The following SOCS4 variants were observed in gnomAD, a reference collection of about 807,000 sequenced individuals.
The protein encoded by SOCS4 is suppressor of cytokine signaling 4.
Under a neutral mutation model 34.1 loss-of-function variants are expected in SOCS4, and 20 were observed. That is an observed-to-expected ratio of 0.59 (90% CI 0.41 to 0.85). The LOEUF (loss-of-function observed/expected upper bound fraction) is 0.85. SOCS4 is among the 40% of genes least tolerant of loss of function. The probability of loss-of-function intolerance (pLI) is 0.00; values close to 1 mark genes in which losing one functional copy is unlikely to be tolerated. For synonymous variants in SOCS4, 180 were observed against 186.4 expected, an observed-to-expected ratio of 0.97 and a Z score of 0.28; for missense variants, 479 against 532.4, an observed-to-expected ratio of 0.90 and a Z score of 0.99.
chr14:55,046,928 T>C lies in SOCS4; in HGVS notation c.*2564T>C, dbSNP rs551176640. The C allele has an allele frequency of 2.5e-4, 42 of 167,010 alleles. No homozygotes were observed. The highest frequency in any genetic ancestry group is 1.0e-3 in the South Asian group (5 of 4,824). The allele number at this position is 167,010 out of a possible 1,614,324, so 10.3% of individuals were successfully genotyped here. On this transcript the variant is annotated 3_prime_UTR_variant, in exon 3 of 3. Transcript: ENST00000555846. ...ATACATTTGGAAGAACATACAGTAT[T>C]CAGAAACTAACCTATATAAAATGTA...
intron 2 of SOCS4, among the ~76,000 whole-genome samples, chr14:55,042,502 A>T (rs752984293): frequency 6.6e-6 from 1 of 152,228 alleles, no homozygotes; most frequent in Non-Finnish European, 1.5e-5. Context: ...AGGGAGAAGA[A>T]GGTGAAGGAA....
chr14:55,035,756 T>C (rs2140244675), intron 2 of SOCS4, among the ~76,000 whole-genome samples: 1 of 152,304 alleles, frequency 6.6e-6, no homozygotes, highest in East Asian at 1.9e-4. Flanking sequence ...ATAGCATTAG[T>C]ACCTCCATTT....
intron 2 of SOCS4, among the ~76,000 whole-genome samples, chr14:55,041,149 TGCTGAGATTACAG>T (rs1566755656): frequency 6.6e-6 from 1 of 152,162 alleles, no homozygotes; most frequent in Non-Finnish European, 1.5e-5. Context: ...CCTCCCAAAG[TGCTGAGATTACAG>T]GCATGAGCCA....
At chr14:55,029,266 GT>G (rs1276290590) in intron 1 of SOCS4, among the ~76,000 whole-genome samples, 2 of 152,108 alleles carry the variant, frequency 1.3e-5, no homozygotes, top group Non-Finnish European at 2.9e-5. Context: ...AAATAACATA[GT>G]TTTTTAAAAA....
rs946705410 is a variant in SOCS4 at position 55,031,795 on chromosome 14, G to GT, written c.-219-62dup. The GT allele has an allele frequency of 1.1e-4, 17 of 152,284 alleles. No homozygotes were observed. In the East Asian group the frequency reaches 3.1e-3, roughly 28 times the overall value. The allele number at this position is 152,284 out of a possible 1,614,324, so 9.4% of individuals were successfully genotyped here. A position where few individuals can be genotyped will look rare whatever the true frequency, so the allele number is the denominator to read the frequency against. On this transcript the variant is annotated intron_variant, in intron 1 of 2. Coordinates refer to ENST00000555846, the MANE Select transcript of SOCS4 (RefSeq NM_199421.2). Reference sequence around the variant, plus strand: ...TTGCTTCTGTAATGAGAAAACATTTGTTTTTTAGGTCAGATATTTTCCCAT... The same window carrying GT: ...TTGCTTCTGTAATGAGAAAACATTTGTTTTTTTAGGTCAGATATTTTCCCAT...
intron 2 of SOCS4, among the ~76,000 whole-genome samples, chr14:55,034,855 C>T (rs1300109152): frequency 6.7e-6 from 1 of 148,290 alleles, no homozygotes; most frequent in African/African-American, 2.5e-5. Flanking sequence ...TTAACTCTCT[C>T]TCTGTTTTTT....
intron 1 of SOCS4, among the ~76,000 whole-genome samples, chr14:55,030,198 A>G (rs2042516549): frequency 6.6e-6 from 1 of 152,160 alleles, no homozygotes; most frequent in African/African-American, 2.4e-5. Context: ...CCTTTTACTA[A>G]TTTGTACGTA....
intron 2 of SOCS4, among the ~76,000 whole-genome samples, chr14:55,037,719 C>A (rs2042585709): frequency 1.3e-5 from 2 of 152,134 alleles, no homozygotes; most frequent in Non-Finnish European, 2.9e-5. Context: ...GTCTTGAACT[C>A]CTGATCTCAG....
rs778430566 is a variant in SOCS4 at position 55,036,346 on chromosome 14, C to CT, written c.-91+4369dup. ...CTTTAGTCCTGGGACATTTTCTAAC[C>CT]TTTTTTTTTTTTTTGAGATGAAGTC... is the stretch of plus-strand genomic sequence containing the variant. On this transcript the variant is annotated intron_variant, in intron 2 of 2. Coordinates refer to ENST00000555846, the MANE Select transcript of SOCS4 (RefSeq NM_199421.2). 1.3e-3 allele frequency among the ~76,000 whole-genome samples: 190 copies of CT among 141,836 alleles called. 2 individuals carry two copies. The highest frequency in any genetic ancestry group is 2.9e-3 in the South Asian group (13 of 4,436). The allele number at this position is 141,836 out of a possible 152,430, so 93.0% of individuals were successfully genotyped here. A position where few individuals can be genotyped will look rare whatever the true frequency, so the allele number is the denominator to read the frequency against.
intron 2 of SOCS4, among the ~76,000 whole-genome samples, chr14:55,034,882 A>T (rs1466499571): frequency 7.0e-6 from 1 of 143,042 alleles, no homozygotes; most frequent in Non-Finnish European, 1.5e-5. Flanking sequence ...TTTCCTTGAC[A>T]TGGAATCTTG....
In SOCS4 at chr14:55,047,667, A is replaced by C. The variant is rs562155489; in HGVS notation, c.*3303A>C. The stretch of plus-strand genomic sequence containing the variant: ...CTTTCAGTTAAAGTTTTGACTTCTT[A>C]TTATAAATAATATAAAGAATGTCTC... On this transcript the variant is annotated 3_prime_UTR_variant, in exon 3 of 3. Transcript: ENST00000555846. 1 of 167,226 alleles carries C rather than the reference A, an allele frequency of 6.0e-6. No individual in the cohort carries two copies. Among genetic ancestry groups the C allele is most frequent in the Non-Finnish European group, 1.5e-5 (1 of 68,110 alleles). The allele number at this position is 167,226 out of a possible 1,614,324, so 10.4% of individuals were successfully genotyped here.
Position 55,044,506 on chromosome 14 carries a change from A to G in SOCS4, c.*142A>G, listed in dbSNP as rs563455117. 4.0e-6 allele frequency: 2 copies of G among 500,620 alleles called. No homozygotes were observed. Among genetic ancestry groups the G allele is most frequent in the African/African-American group, 2.0e-5 (1 of 49,944 alleles). 31.0% of individuals were successfully genotyped at this position (500,620 alleles called of 1,614,324 possible). A position where few individuals can be genotyped will look rare whatever the true frequency, so the allele number is the denominator to read the frequency against. On this transcript the variant is annotated 3_prime_UTR_variant, in exon 3 of 3. Coordinates refer to ENST00000555846, the MANE Select transcript of SOCS4 (RefSeq NM_199421.2). ...TGCCCTAAATTTTACTAATAAATCC[A>G]TTTTTCTAGTGATACACAAATTGTT...
intron 1 of SOCS4, among the ~76,000 whole-genome samples, chr14:55,030,076 A>G (rs2042515065): frequency 6.6e-6 from 1 of 152,186 alleles, no homozygotes; most frequent in African/African-American, 2.4e-5. Flanking sequence ...TCAGAGCTAG[A>G]AATAGAACCC....
intron 2 of SOCS4, among the ~76,000 whole-genome samples, chr14:55,033,187 G>A (rs943070978): frequency 3.9e-5 from 6 of 152,082 alleles, no homozygotes; most frequent in African/African-American, 1.4e-4. Flanking sequence ...GATTTTACAT[G>A]TATGGACAAG....
At position 55,047,476 on chromosome 14, in the gene SOCS4, C is replaced by T. The variant is rs1224862622; in HGVS notation, c.*3112C>T. The T allele has an allele frequency of 1.8e-5, 3 of 166,910 alleles. No homozygotes were observed. The highest frequency in any genetic ancestry group is 4.1e-4 in the South Asian group (2 of 4,832). The allele number at this position is 166,910 out of a possible 1,614,324, so 10.3% of individuals were successfully genotyped here. A position where few individuals can be genotyped will look rare whatever the true frequency, so the allele number is the denominator to read the frequency against. On this transcript the variant is annotated 3_prime_UTR_variant, in exon 3 of 3. Coordinates refer to ENST00000555846, the MANE Select transcript of SOCS4 (RefSeq NM_199421.2). The stretch of plus-strand genomic sequence containing the variant: ...GTGATCTTTCTATAACCATGCCATT[C>T]ACTTAAATAATTCATGAAGGGAATG...
chr14:55,036,837 A>G (rs1188182035), intron 2 of SOCS4, among the ~76,000 whole-genome samples: 2 of 152,060 alleles, frequency 1.3e-5, no homozygotes, highest in African/African-American at 2.4e-5. Flanking sequence ...ATTTCAGGCC[A>G]GGTGCAGTGG....
At chr14:55,034,366 G>A (rs1291370638) in intron 2 of SOCS4, among the ~76,000 whole-genome samples, 2 of 152,106 alleles carry the variant, frequency 1.3e-5, no homozygotes, top group African/African-American at 4.8e-5. Context: ...TTCCAACTTT[G>A]AAGACTAAAA....
In SOCS4 at chr14:55,044,061, C is replaced by T. The variant is rs774912988; in HGVS notation, c.1020C>T (p.His340=). 6.8e-6 allele frequency: 11 copies of T among 1,613,968 alleles called. No homozygotes were observed. The East Asian group carries it at 2.5e-4, about 36-fold the overall frequency. ...SLHARIEQWN[H]NFSFDAHDPC... ...ATGCTAGAATTGAACAGTGGAATCA[C>T]AACTTTAGCTTTGATGCACATGACC... The change falls in exon 3 of 3, where the codon CAC becomes CAT. Residue 340 remains histidine (H), a synonymous_variant. Coordinates refer to ENST00000555846, the MANE Select transcript of SOCS4 (RefSeq NM_199421.2).
intron 2 of SOCS4, among the ~76,000 whole-genome samples, chr14:55,035,744 A>C (rs1379530609): frequency 6.6e-6 from 1 of 152,226 alleles, no homozygotes; most frequent in Non-Finnish European, 1.5e-5. Flanking sequence ...CCAGTGAAAT[A>C]GATAGCATTA....
Sources: allele counts gnomAD v4.1 joint callset (sites outside exome capture counted in the v4.1 genomes callset), GRCh38; gene constraint gnomAD v4.1.1; transcripts MANE v1.5; gene names NCBI Gene and HGNC (gene_info 2026-07-23, HGNC 2026-07-21).